Variants in MMP16 observed in about 807,000 individuals in gnomAD.
MMP16 encodes matrix metalloproteinase-16.
MMP16 carries 12 observed loss-of-function variants against 67.8 expected under a neutral mutation model. The observed-to-expected ratio is 0.18, with a 90% CI of 0.11 to 0.29. The LOEUF is 0.29. Among genes scored for constraint, MMP16 ranks in the 10% least tolerant of loss-of-function variants. MMP16 has a pLI of 1.00. For missense variants in MMP16, 475 were observed against 765.7 expected (o/e 0.62, Z 4.48); for synonymous variants, 249 against 255.9 (o/e 0.97, Z 0.26).
intron 8 of MMP16, among the ~76,000 whole-genome samples, chr8:88,047,170 A>T (rs1246340401): frequency 6.6e-6 from 1 of 152,196 alleles, no homozygotes; most frequent in Non-Finnish European, 1.5e-5. Flanking sequence ...ATGAGTTTTT[A>T]AAAAACCTTT....
rs569377983 is a variant in MMP16 at position 88,042,670 on chromosome 8, G to A, written c.1490-875C>T. ...ACCTTATATTTCATGGGGAGGAGGTGGGATGTGGGAGGCTCAAGTAACTCA... is the reference window on the plus strand; with the variant it reads ...ACCTTATATTTCATGGGGAGGAGGTAGGATGTGGGAGGCTCAAGTAACTCA... On this transcript the variant is annotated intron_variant, in intron 9 of 9. Transcript: ENST00000286614. Among the ~76,000 whole-genome samples, 8 of 152,186 alleles carry A rather than the reference G, an allele frequency of 5.3e-5. No homozygotes were observed. The South Asian group carries it at 1.7e-3, about 32-fold the overall frequency.
intron 5 of MMP16, 85 bp from the exon 6 acceptor site, chr8:88,116,803 A>G (rs1226291664): frequency 1.6e-6 from 2 of 1,216,550 alleles, no homozygotes; most frequent in Non-Finnish European, 2.4e-6. Context: ...ATCACTTATC[A>G]GCAGAAGGCA....
At chr8:88,267,483 A>T (rs963770966) in intron 1 of MMP16, among the ~76,000 whole-genome samples, 5 of 152,216 alleles carry the variant, frequency 3.3e-5, no homozygotes, top group African/African-American at 1.2e-4. Context: ...CTCACAGCAG[A>T]CTGTGAATTT....
intron 4 of MMP16, among the ~76,000 whole-genome samples, chr8:88,145,341 G>A (rs1464454179): frequency 6.6e-6 from 1 of 151,812 alleles, no homozygotes; most frequent in African/African-American, 2.4e-5. Flanking sequence ...TCTAAAGAAA[G>A]AAAAGGTACA....
At chr8:88,091,385 G>C (rs116048540) in intron 6 of MMP16, among the ~76,000 whole-genome samples, 72 of 151,740 alleles carry the variant, frequency 4.7e-4, no homozygotes, top group African/African-American at 1.7e-3. Flanking sequence ...ACACATTAAG[G>C]GAATGGAGGT....
intron 7 of MMP16, among the ~76,000 whole-genome samples, chr8:88,066,553 G>A (rs1335260082): frequency 6.6e-6 from 1 of 152,078 alleles, no homozygotes; most frequent in East Asian, 1.9e-4. Flanking sequence ...CATCACAACT[G>A]TAAATGGTGC....
intron 1 of MMP16, among the ~76,000 whole-genome samples, chr8:88,249,773 G>T (rs1022465508): frequency 1.3e-5 from 2 of 152,020 alleles, no homozygotes; most frequent in Non-Finnish European, 2.9e-5. Flanking sequence ...AGACTGCAAG[G>T]GTAGAGGAAA....
chr8:88,108,868 T>C (rs1310492443), intron 6 of MMP16, among the ~76,000 whole-genome samples: 3 of 151,400 alleles, frequency 2.0e-5, no homozygotes. Flanking sequence ...TTCTTTTAGA[T>C]TTCCATCATT....
At chr8:88,105,544 CA>C (rs1563533160) in intron 6 of MMP16, among the ~76,000 whole-genome samples, 1 of 151,368 alleles carries the variant, frequency 6.6e-6, no homozygotes, top group African/African-American at 2.4e-5. Context: ...GTGATGGAAA[CA>C]GAAAAATTTG....
chr8:88,046,893 G>T, intron 8 of MMP16, 109 bp from the exon 9 acceptor site: 1 of 624,358 alleles, frequency 1.6e-6, no homozygotes, highest in Non-Finnish European at 2.6e-6. Context: ...CTGTGTGCTT[G>T]ACTTTGTTAC....
Position 88,039,245 on chromosome 8 carries a change from G to GT in MMP16, c.*2215dup, listed in dbSNP as rs34018391. On this transcript the variant is annotated 3_prime_UTR_variant, in exon 10 of 10. Transcript: ENST00000286614. The surrounding 1 kb of genome is among the most constrained non-coding windows in gnomAD (Gnocchi z 4.5). The stretch of plus-strand genomic sequence containing the variant: ...CACACTGGCCATTCAAGTATTTGAG[G>GT]TTTTTTTTTTCCTATAGTTTTTGTA... 0.22 allele frequency: 33,101 copies of GT among 150,166 alleles called. 4,142 individuals are homozygous for GT. Among genetic ancestry groups the GT allele is most frequent in the Non-Finnish European group, 0.3 (20,204 of 67,392 alleles). The allele number at this position is 150,166 out of a possible 1,614,324, so 9.3% of individuals were successfully genotyped here. A position where few individuals can be genotyped will look rare whatever the true frequency, so the allele number is the denominator to read the frequency against.
At chr8:88,199,570 A>G (rs1519934) in intron 1 of MMP16, among the ~76,000 whole-genome samples, 19,556 of 151,960 alleles carry the variant, frequency 0.13, 2,334 homozygotes, top group East Asian at 0.5. Context: ...TTGATAAAAA[A>G]TTACATCTAT....
chr8:88,284,712 G>A (rs573132662), intron 1 of MMP16, among the ~76,000 whole-genome samples: 2 of 152,168 alleles, frequency 1.3e-5, no homozygotes, highest in South Asian at 2.1e-4. Flanking sequence ...CTCTTTCTGC[G>A]CTCCAGTTTT....
intron 2 of MMP16, among the ~76,000 whole-genome samples, chr8:88,193,528 G>A (rs577713136): frequency 6.6e-6 from 1 of 152,108 alleles, no homozygotes; most frequent in Admixed American, 6.6e-5. Flanking sequence ...GTAGTAAATA[G>A]CACACTAGGG....
At chr8:88,108,449 C>A (rs536993804) in intron 6 of MMP16, among the ~76,000 whole-genome samples, 2 of 151,232 alleles carry the variant, frequency 1.3e-5, no homozygotes, top group African/African-American at 4.8e-5. Flanking sequence ...ATAGTAAGGA[C>A]ACTAAGCATT....
chr8:88,108,939 A>T (rs1006256519), intron 6 of MMP16, among the ~76,000 whole-genome samples: 2 of 151,312 alleles, frequency 1.3e-5, no homozygotes, highest in African/African-American at 4.8e-5. Context: ...TTTTGTTTAT[A>T]GATACTGTAT....
intron 7 of MMP16, among the ~76,000 whole-genome samples, chr8:88,071,177 T>C (rs1046399522): frequency 7.9e-5 from 12 of 152,266 alleles, no homozygotes; most frequent in African/African-American, 2.6e-4. Context: ...TAATGGCTTC[T>C]CATTCTTCTT....
chr8:88,313,011 T>C (rs1811320775), intron 1 of MMP16, among the ~76,000 whole-genome samples: 1 of 152,208 alleles, frequency 6.6e-6, no homozygotes, highest in Admixed American at 6.5e-5. Flanking sequence ...TGTCCATTTT[T>C]TATAATTTTA....
intron 3 of MMP16, among the ~76,000 whole-genome samples, chr8:88,184,274 T>G (rs371423633): frequency 1.3e-5 from 2 of 152,176 alleles, no homozygotes; most frequent in South Asian, 4.1e-4. Context: ...TTCTTTTGTT[T>G]CAGCTCAACA....
Sources: allele counts gnomAD v4.1 joint callset (sites outside exome capture counted in the v4.1 genomes callset), GRCh38; gene constraint gnomAD v4.1.1; non-coding constraint Gnocchi (gnomAD v3.1); transcripts MANE v1.5; gene names NCBI Gene and HGNC (gene_info 2026-07-23, HGNC 2026-07-21).